The following LRPPRC variants were observed in gnomAD, a reference collection of about 807,000 sequenced individuals.
LRPPRC encodes the protein leucine-rich PPR motif-containing protein, mitochondrial.
In LRPPRC, 120 loss-of-function variants were observed where a neutral mutation model predicts 180.3. That is an observed-to-expected ratio of 0.67 (90% CI 0.57 to 0.77). LRPPRC has a LOEUF of 0.77. Ranked by LOEUF, LRPPRC falls within the 30% of genes least tolerant of loss-of-function variation. The probability of loss-of-function intolerance (pLI) is 0.00; values close to 1 mark genes in which losing one functional copy is unlikely to be tolerated. For missense variants in LRPPRC, 2,012 were observed against 1,657.2 expected (o/e 1.21, Z -3.72); for synonymous variants, 723 against 600.0 (o/e 1.21, Z -3.00).
intron 37 of LRPPRC, among the ~76,000 whole-genome samples, chr2:43,888,947 G>T (rs920624026): frequency 2.0e-5 from 3 of 152,186 alleles, no homozygotes; most frequent in Non-Finnish European, 4.4e-5. Flanking sequence ...AGGCTGAGGT[G>T]TTTGAAATAA....
At position 43,977,143 on chromosome 2, in the gene LRPPRC, G is replaced by GC. The variant is rs1315877393; in HGVS notation, c.591+11dup. On this transcript the variant is annotated intron_variant, in intron 4 of 37. Transcript: ENST00000260665. ...TGGATGTGAAAATATATTCACAATA[G>GC]CAACTACTTACTCGATTTGGTTGAA... is the stretch of plus-strand genomic sequence containing the variant. 2 of 1,610,594 alleles carry GC rather than the reference G, an allele frequency of 1.2e-6. No individual in the cohort carries two copies. The highest frequency in any genetic ancestry group is 1.7e-6 in the Non-Finnish European group (2 of 1,177,142).
intron 23 of LRPPRC, among the ~76,000 whole-genome samples, chr2:43,936,196 G>C (rs1672271700): frequency 6.6e-6 from 1 of 152,148 alleles, no homozygotes; most frequent in Admixed American, 6.5e-5. Context: ...CTAGAGACTG[G>C]CTGATTTGAC....
At position 43,948,322 on chromosome 2, in the gene LRPPRC, G is replaced by A. The variant is rs1039744127; in HGVS notation, c.1842+90C>T. The A allele has an allele frequency of 2.6e-5, 24 of 920,890 alleles. No individual in the cohort carries two copies. In the African/African-American group the frequency reaches 3.6e-4, roughly 14 times the overall value. 57.0% of individuals were successfully genotyped at this position (920,890 alleles called of 1,614,324 possible). ...CAACTCTTGCATGTCATTGAGAAGTGGTCTGGTTGTACTTAAAAGCAGCAA... is the reference window on the plus strand; with the variant it reads ...CAACTCTTGCATGTCATTGAGAAGTAGTCTGGTTGTACTTAAAAGCAGCAA... On this transcript the variant is annotated intron_variant, in intron 17 of 37. Transcript: ENST00000260665.
intron 30 of LRPPRC, among the ~76,000 whole-genome samples, chr2:43,911,144 T>G (rs1027222577): frequency 9.8e-6 from 1 of 101,666 alleles, no homozygotes; most frequent in East Asian, 5.4e-4. Flanking sequence ...ATATCGAGTG[T>G]TCTAGATATA....
At chr2:43,926,987 T>G (rs1005391998) in intron 25 of LRPPRC, among the ~76,000 whole-genome samples, 1 of 152,250 alleles carries the variant, frequency 6.6e-6, no homozygotes, top group Non-Finnish European at 1.5e-5. Context: ...TACTATCGTT[T>G]GGTCAATAAG....
At chr2:43,937,793 T>C (rs78335856) in intron 23 of LRPPRC, among the ~76,000 whole-genome samples, 4,071 of 152,176 alleles carry the variant, frequency 0.027, 183 homozygotes, top group African/African-American at 0.093. Flanking sequence ...CAGGTGAAAA[T>C]ACCACTTTTA....
chr2:43,946,969 A>C lies in LRPPRC; in HGVS notation c.2079+288T>G, dbSNP rs1233741997. On this transcript the variant is annotated intron_variant, in intron 20 of 37. Transcript: ENST00000260665. ...GTATCAGTTGCTTGACAATCTAGAT[A>C]TAAGAGACCGGAGCCATGGCTTGAA... Among the ~76,000 whole-genome samples the C allele has an allele frequency of 7.9e-5, 12 of 152,090 alleles. No homozygotes were observed. In the East Asian group the frequency reaches 2.3e-3, roughly 29 times the overall value.
At chr2:43,984,320 G>C (rs1288122066) in intron 1 of LRPPRC, among the ~76,000 whole-genome samples, 1 of 152,118 alleles carries the variant, frequency 6.6e-6, no homozygotes, top group Non-Finnish European at 1.5e-5. Flanking sequence ...ATGCAAATCT[G>C]ATAAACTGTT....
chr2:43,943,542 C>G (rs1672565902), intron 23 of LRPPRC, 145 bp downstream of exon 23: 1 of 688,604 alleles, frequency 1.5e-6, no homozygotes, highest in South Asian at 1.7e-5. Context: ...TTAAAGGTCA[C>G]CTAGTTCATA....
At position 43,949,669 on chromosome 2, in the gene LRPPRC, C is replaced by G; in HGVS notation, c.1678-10G>C. The stretch of plus-strand genomic sequence containing the variant: ...ACAACAATTCTGTTATCTGGTAAGA[C>G]AGAAAATTCGTGCATTGCAGCAAGA... On this transcript the variant is annotated splice_polypyrimidine_tract_variant and intron_variant, in intron 15 of 37. Coordinates refer to ENST00000260665, the MANE Select transcript of LRPPRC (RefSeq NM_133259.4). The G allele has an allele frequency of 1.9e-6, 3 of 1,610,394 alleles. No individual in the cohort carries two copies. The highest frequency in any genetic ancestry group is 2.5e-6 in the Non-Finnish European group (3 of 1,176,742).
At chr2:43,907,708 T>G (rs1435599248) in intron 30 of LRPPRC, among the ~76,000 whole-genome samples, 1 of 152,022 alleles carries the variant, frequency 6.6e-6, no homozygotes, top group Non-Finnish European at 1.5e-5. Context: ...ACTGTCAAAA[T>G]GAAGGGAAAA....
chr2:43,945,410 A>G lies in LRPPRC; in HGVS notation c.2218T>C (p.Leu740=). The part of the protein sequence containing the change: ...ALNLKEEFDR[L]DSSAVLDTGK... ...GTGTCAAGGACAGCAGATGAATCTA[A>G]GCGGTCACTAAAAATTAAAGCCACA... Residue 740 remains leucine, a synonymous_variant, in exon 22 of 38, where the codon TTA becomes CTA. Coordinates refer to ENST00000260665, the MANE Select transcript of LRPPRC (RefSeq NM_133259.4). 2 of 1,606,616 alleles carry G rather than the reference A, an allele frequency of 1.2e-6. No homozygotes were observed. The highest frequency in any genetic ancestry group is 1.7e-6 in the Non-Finnish European group (2 of 1,173,396).
intron 1 of LRPPRC, 62 bp downstream of exon 1, chr2:43,995,737 A>G (rs1675023561): frequency 2.2e-6 from 3 of 1,333,384 alleles, no homozygotes; most frequent in Non-Finnish European, 2.9e-6. Context: ...CCCTGCCGGC[A>G]CCCACGACCC....
chr2:43,992,536 C>G (rs182458861), intron 1 of LRPPRC, among the ~76,000 whole-genome samples: 52 of 152,238 alleles, frequency 3.4e-4, no homozygotes, highest in Non-Finnish European at 6.3e-4. Context: ...TGGGAGCCAC[C>G]ACAATGCTTA....
chr2:43,961,627 T>A (rs547193228), intron 12 of LRPPRC, among the ~76,000 whole-genome samples: 1 of 152,218 alleles, frequency 6.6e-6, no homozygotes. Flanking sequence ...TTCTGAAAAC[T>A]AATTTAAAAA....
chr2:43,982,923 C>T (rs945850432), intron 1 of LRPPRC, among the ~76,000 whole-genome samples: 5 of 145,320 alleles, frequency 3.4e-5, no homozygotes, highest in African/African-American at 8.0e-5. Flanking sequence ...CAGGCTAAAA[C>T]GATGCAGGGT....
At chr2:43,959,408 T>C (rs570948056) in intron 13 of LRPPRC, among the ~76,000 whole-genome samples, 1 of 152,198 alleles carries the variant, frequency 6.6e-6, no homozygotes, top group African/African-American at 2.4e-5. Context: ...AATAACCTGG[T>C]TGGTATAAAG....
At chr2:43,920,840 T>C (rs1671674549) in intron 27 of LRPPRC, among the ~76,000 whole-genome samples, 1 of 152,202 alleles carries the variant, frequency 6.6e-6, no homozygotes, top group Non-Finnish European at 1.5e-5. Flanking sequence ...GGATTAGTTA[T>C]TCTAAACAAT....
chr2:43,912,775 G>C (rs866269032), intron 29 of LRPPRC, among the ~76,000 whole-genome samples: 1 of 152,106 alleles, frequency 6.6e-6, no homozygotes, highest in South Asian at 2.1e-4. Context: ...CTGAATGGAT[G>C]GTGCCTGAAG....
Sources: allele counts gnomAD v4.1 joint callset (sites outside exome capture counted in the v4.1 genomes callset), GRCh38; gene constraint gnomAD v4.1.1; transcripts MANE v1.5; gene names NCBI Gene and HGNC (gene_info 2026-07-23, HGNC 2026-07-21).